The following FOSL2 variants were observed in gnomAD, a reference collection of about 807,000 sequenced individuals.
FOSL2 encodes fos-related antigen 2.
Under a neutral mutation model 27.7 loss-of-function variants are expected in FOSL2, and 3 were observed. The observed-to-expected ratio is 0.11, with a 90% CI of 0.05 to 0.28. FOSL2 has a LOEUF of 0.28. Ranked by LOEUF, FOSL2 falls within the 10% of genes least tolerant of loss-of-function variation. The probability of loss-of-function intolerance (pLI) is 1.00; values close to 1 mark genes in which losing one functional copy is unlikely to be tolerated. For synonymous variants in FOSL2, 179 were observed against 190.1 expected (o/e 0.94, Z 0.48); for missense variants, 333 against 445.1 (o/e 0.75, Z 2.27).
chr2:28,414,998 T>C lies in FOSL2; in HGVS notation c.*2550T>C, dbSNP rs1220742259. 1.3e-5 allele frequency: 2 copies of C among 152,258 alleles called. No homozygotes were observed. Among genetic ancestry groups the C allele is most frequent in the Non-Finnish European group, 2.9e-5 (2 of 68,072 alleles). 9.4% of individuals were successfully genotyped at this position (152,258 alleles called of 1,614,324 possible). A position where few individuals can be genotyped will look rare whatever the true frequency, so the allele number is the denominator to read the frequency against. ...GCATATCCTGAGTTTTACTTCCTTATGGCTTGCCCTCCAAGTTCTCTCTCT... is the reference window on the plus strand; with the variant it reads ...GCATATCCTGAGTTTTACTTCCTTACGGCTTGCCCTCCAAGTTCTCTCTCT... On this transcript the variant is annotated 3_prime_UTR_variant, in exon 4 of 4. Transcript: ENST00000264716.
chr2:28,412,437 C>A lies in FOSL2; in HGVS notation c.970C>A (p.Leu324Met). The change falls in exon 4 of 4, where the codon CTG becomes ATG. Residue 324 changes from leucine (L) to methionine (M), a missense_variant. Physicochemically the swap from Leu to Met is conservative, Grantham distance 15. This residue lies in a region of FOSL2 where 26 missense variants were observed against 59.3 expected (regional missense o/e 0.44). Transcript: ENST00000264716. The surrounding 1 kb of genome is among the most constrained non-coding windows in gnomAD (Gnocchi z 7.1). ...AGACTCCTTGAACTCCCCCACTCTG[C>A]TGGCTCTGTAACCCAGTGCACCTCC... ...SSDSLNSPTL[L>M]AL The A allele has an allele frequency of 6.3e-7, 1 of 1,599,660 alleles. No homozygotes were observed. Among genetic ancestry groups the A allele is most frequent in the East Asian group, 2.2e-5 (1 of 44,862 alleles).
At position 28,407,729 on chromosome 2, in the gene FOSL2, G is replaced by C. The variant is rs540904073; in HGVS notation, c.355-1030G>C. ...GTCAACGTCTGATAACTGAATGGGT[G>C]GGCTTTCCCTTTGTGTTGCTTTCTG... On this transcript the variant is annotated intron_variant, in intron 2 of 3. Transcript: ENST00000264716. Among the ~76,000 whole-genome samples the C allele has an allele frequency of 5.9e-5, 9 of 152,332 alleles. No individual in the cohort carries two copies. In the East Asian group the frequency reaches 1.5e-3, roughly 26 times the overall value.
In FOSL2 at chr2:28,404,422, C is replaced by T. The variant is rs1014867028; in HGVS notation, c.354+64C>T. The T allele has an allele frequency of 1.5e-5, 23 of 1,541,114 alleles. No individual in the cohort carries two copies. In the East Asian group the frequency reaches 2.9e-4, roughly 20 times the overall value. On this transcript the variant is annotated intron_variant, in intron 2 of 3. Transcript: ENST00000264716. The surrounding 1 kb of genome is among the most constrained non-coding windows in gnomAD (Gnocchi z 4.7). ...CTTTCAGAGCCCCAGAAACACAGAA[C>T]GGGTTTCTGCAGACTGGGAGGGTTA...
rs1664231273 is a variant in FOSL2 at position 28,412,824 on chromosome 2, C to G, written c.*376C>G. 4.9e-6 allele frequency: 1 copy of G among 205,560 alleles called. No homozygotes were observed. Among genetic ancestry groups the G allele is most frequent in the East Asian group, 1.1e-4 (1 of 8,888 alleles). The allele number at this position is 205,560 out of a possible 1,614,324, so 12.7% of individuals were successfully genotyped here. On this transcript the variant is annotated 3_prime_UTR_variant, in exon 4 of 4. Transcript: ENST00000264716. The surrounding 1 kb of genome is among the most constrained non-coding windows in gnomAD (Gnocchi z 7.1). The stretch of plus-strand genomic sequence containing the variant: ...GTGATGGTGTCCTTCCCTGCCCCAC[C>G]ACGCATGCTCAGTGCCTTTTGGTTT...
chr2:28,413,154 C>T lies in FOSL2; in HGVS notation c.*706C>T, dbSNP rs972533063. 4.7e-6 allele frequency: 1 copy of T among 214,862 alleles called. No homozygotes were observed. Among genetic ancestry groups the T allele is most frequent in the Non-Finnish European group, 9.1e-6 (1 of 109,710 alleles). 13.3% of individuals were successfully genotyped at this position (214,862 alleles called of 1,614,324 possible). On this transcript the variant is annotated 3_prime_UTR_variant, in exon 4 of 4. Transcript: ENST00000264716. ...AGGCTCAGAGGACCCTTCCTGCCCA[C>T]CTTCGGAGACGGCTTCTGGAGGAAC... is the stretch of plus-strand genomic sequence containing the variant.
rs939421647 is a variant in FOSL2, at chr2:28,393,595, A to G, written c.-126A>G. On this transcript the variant is annotated 5_prime_UTR_variant, in exon 1 of 4. Transcript: ENST00000264716. This position sits in a 1 kb window ranked among gnomAD's most constrained non-coding sequence, Gnocchi z 4.6. ...GCCCTCCGCGGTGGGGGAGAAACCC[A>G]GGAGCGAAGCCCAGAGCCCGCGGCG... 1 of 666,722 alleles carries G rather than the reference A, an allele frequency of 1.5e-6. No individual in the cohort carries two copies. The highest frequency in any genetic ancestry group is 3.0e-5 in the East Asian group (1 of 32,982). 41.3% of individuals were successfully genotyped at this position (666,722 alleles called of 1,614,324 possible).
At position 28,408,928 on chromosome 2, in the gene FOSL2, T is replaced by A; in HGVS notation, c.462+62T>A. 8.9e-7 allele frequency: 1 copy of A among 1,119,082 alleles called. No individual in the cohort carries two copies. The highest frequency in any genetic ancestry group is 1.3e-6 in the Non-Finnish European group (1 of 782,258). 69.3% of individuals were successfully genotyped at this position (1,119,082 alleles called of 1,614,324 possible). A position where few individuals can be genotyped will look rare whatever the true frequency, so the allele number is the denominator to read the frequency against. ...TGGGCTGGAGTGAGAGCCCCGGGGG[T>A]CCTGATCCTCTCTCCCACAGCTGTC... is the stretch of plus-strand genomic sequence containing the variant. On this transcript the variant is annotated intron_variant, in intron 3 of 3. Coordinates refer to ENST00000264716, the MANE Select transcript of FOSL2 (RefSeq NM_005253.4). This position sits in a 1 kb window ranked among gnomAD's most constrained non-coding sequence, Gnocchi z 4.1.
At chr2:28,407,247 C>G (rs1168788530) in intron 2 of FOSL2, among the ~76,000 whole-genome samples, 2 of 152,220 alleles carry the variant, frequency 1.3e-5, no homozygotes, top group Admixed American at 1.3e-4. Flanking sequence ...AGCCCTAAAC[C>G]CAGGCCTGCA....
rs1301260673 is a variant in FOSL2 at position 28,408,107 on chromosome 2, G to C, written c.355-652G>C. On this transcript the variant is annotated intron_variant, in intron 2 of 3. Transcript: ENST00000264716. This position sits in a 1 kb window ranked among gnomAD's most constrained non-coding sequence, Gnocchi z 4.1. Reference sequence around the variant, plus strand: ...TGCATGTCCTGTCCAACTTAGCACTGTACCAGGCATGTGGGGGAGTACCTG... The same window carrying C: ...TGCATGTCCTGTCCAACTTAGCACTCTACCAGGCATGTGGGGGAGTACCTG... Among the ~76,000 whole-genome samples the C allele has an allele frequency of 1.3e-5, 2 of 152,196 alleles. No homozygotes were observed. The highest frequency in any genetic ancestry group is 2.9e-5 in the Non-Finnish European group (2 of 68,034).
rs946981711 is a variant in FOSL2 at position 28,415,595 on chromosome 2, G to C, written c.*3147G>C. On this transcript the variant is annotated 3_prime_UTR_variant, in exon 4 of 4. Coordinates refer to ENST00000264716, the MANE Select transcript of FOSL2 (RefSeq NM_005253.4). ...GACTTTTTTTCTCTTTTCCTTGATG[G>C]ACCAACAGTGCAAATGCAATCTCGC... 6.6e-6 allele frequency: 1 copy of C among 152,190 alleles called. No homozygotes were observed. Among genetic ancestry groups the C allele is most frequent in the Non-Finnish European group, 1.5e-5 (1 of 68,044 alleles). The allele number at this position is 152,190 out of a possible 1,614,324, so 9.4% of individuals were successfully genotyped here.
intron 1 of FOSL2, among the ~76,000 whole-genome samples, chr2:28,402,904 A>G (rs1306576691): frequency 6.6e-6 from 1 of 152,240 alleles, no homozygotes; most frequent in African/African-American, 2.4e-5. Flanking sequence ...AATGGAGCTA[A>G]TGGTCGTTCT....
rs929975296 is a variant in FOSL2, at chr2:28,414,159, C to G, written c.*1711C>G. 3.8e-6 allele frequency: 1 copy of G among 262,108 alleles called. No homozygotes were observed. The highest frequency in any genetic ancestry group is 7.2e-6 in the Non-Finnish European group (1 of 139,230). The allele number at this position is 262,108 out of a possible 1,614,324, so 16.2% of individuals were successfully genotyped here. On this transcript the variant is annotated 3_prime_UTR_variant, in exon 4 of 4. Coordinates refer to ENST00000264716, the MANE Select transcript of FOSL2 (RefSeq NM_005253.4). ...TCAGCTCTAGAGGTCACAGTATCCTCGTTTGAAAGATAATTAAGATCCCCC... is the reference window on the plus strand; with the variant it reads ...TCAGCTCTAGAGGTCACAGTATCCTGGTTTGAAAGATAATTAAGATCCCCC...
At chr2:28,400,259 C>T (rs1237218904) in intron 1 of FOSL2, among the ~76,000 whole-genome samples, 1 of 152,190 alleles carries the variant, frequency 6.6e-6, no homozygotes, top group Non-Finnish European at 1.5e-5. Context: ...CTGAGCAGCT[C>T]TATCTTGGTT....
Position 28,414,255 on chromosome 2 carries a change from G to T in FOSL2, c.*1807G>T, listed in dbSNP as rs539253070. 5 of 161,168 alleles carry T rather than the reference G, an allele frequency of 3.1e-5. No homozygotes were observed. Among genetic ancestry groups the T allele is most frequent in the African/African-American group, 1.2e-4 (5 of 41,856 alleles). The allele number at this position is 161,168 out of a possible 1,614,324, so 10.0% of individuals were successfully genotyped here. A position where few individuals can be genotyped will look rare whatever the true frequency, so the allele number is the denominator to read the frequency against. On this transcript the variant is annotated 3_prime_UTR_variant, in exon 4 of 4. Coordinates refer to ENST00000264716, the MANE Select transcript of FOSL2 (RefSeq NM_005253.4). ...TATTTCATGAACATGACCTGTTTTC[G>T]TGCACTAGACACACAGAGTGGAACA... is the stretch of plus-strand genomic sequence containing the variant.
chr2:28,400,703 C>G (rs1476914808), intron 1 of FOSL2, among the ~76,000 whole-genome samples: 1 of 152,186 alleles, frequency 6.6e-6, no homozygotes, highest in East Asian at 1.9e-4. Context: ...GTTTTTATTG[C>G]TGTCTTGTTT....
chr2:28,393,638 A>G lies in FOSL2; in HGVS notation c.-83A>G, dbSNP rs1663730256. On this transcript the variant is annotated 5_prime_UTR_variant, in exon 1 of 4. Coordinates refer to ENST00000264716, the MANE Select transcript of FOSL2 (RefSeq NM_005253.4). This position sits in a 1 kb window ranked among gnomAD's most constrained non-coding sequence, Gnocchi z 4.6. ...CCGCGGCGCGGCCGGCGGACGAACG[A>G]GCGCGCAGCAGCCGGTGCGCGGCCG... The G allele has an allele frequency of 1.9e-6, 2 of 1,044,710 alleles. No homozygotes were observed. Among genetic ancestry groups the G allele is most frequent in the Admixed American group, 2.3e-5 (1 of 43,666 alleles). The allele number at this position is 1,044,710 out of a possible 1,614,324, so 64.7% of individuals were successfully genotyped here. A position where few individuals can be genotyped will look rare whatever the true frequency, so the allele number is the denominator to read the frequency against.
At position 28,394,137 on chromosome 2, in the gene FOSL2, GCCCC is replaced by G. The variant is rs55662920; in HGVS notation, c.102+325_102+328del. On this transcript the variant is annotated intron_variant, in intron 1 of 3. Transcript: ENST00000264716. ...GAACTACTCCCCCTCCCCAGTGTCTGCCCCCCCCCCCCCACCCCTGCCCCGCGTC... is the reference window on the plus strand; with the variant it reads ...GAACTACTCCCCCTCCCCAGTGTCTGCCCCCCCCCACCCCTGCCCCGCGTC... Among the ~76,000 whole-genome samples the G allele has an allele frequency of 3.0e-4, 24 of 80,918 alleles. 1 individual carries two copies. The highest frequency in any genetic ancestry group is 1.1e-3 in the African/African-American group (22 of 20,428). 53.1% of individuals were successfully genotyped at this position (80,918 alleles called of 152,430 possible). A position where few individuals can be genotyped will look rare whatever the true frequency, so the allele number is the denominator to read the frequency against.
In FOSL2 at chr2:28,393,382, C is replaced by A. The variant is rs11538577; in HGVS notation, c.-339C>A. The A allele has an allele frequency of 6.4e-6, 2 of 313,116 alleles. No individual in the cohort carries two copies. The highest frequency in any genetic ancestry group is 1.2e-5 in the Non-Finnish European group (2 of 169,656). 19.4% of individuals were successfully genotyped at this position (313,116 alleles called of 1,614,324 possible). A position where few individuals can be genotyped will look rare whatever the true frequency, so the allele number is the denominator to read the frequency against. ...AATTTTTGATTGGGCCGTGGGTCCC[C>A]GCTGAGCTCCGGCTGCGCGCGGGGG... On this transcript the variant is annotated 5_prime_UTR_variant, in exon 1 of 4. Transcript: ENST00000264716. The surrounding 1 kb of genome is among the most constrained non-coding windows in gnomAD (Gnocchi z 4.6).
chr2:28,398,132 G>A (rs929482044), intron 1 of FOSL2, among the ~76,000 whole-genome samples: 5 of 152,282 alleles, frequency 3.3e-5, no homozygotes, highest in Non-Finnish European at 5.9e-5. Context: ...CGAACGTTCC[G>A]GTCTATTTGT....
Sources: gnomAD v4.1 joint callset for allele counts (sites outside exome capture counted in the v4.1 genomes callset) on GRCh38, gnomAD v4.1.1 for gene constraint, gnomAD v4.1.1 regional missense constraint, Gnocchi (gnomAD v3.1) non-coding constraint, MANE v1.5 for transcripts, NCBI Gene and HGNC (gene_info 2026-07-23, HGNC 2026-07-21) for gene names.